VEPH1: variants seen among roughly 807,000 people sequenced by gnomAD.
The protein encoded by VEPH1 is ventricular zone expressed PH domain containing 1, also known as ventricular zone-expressed PH domain-containing protein homolog 1.
A neutral mutation model predicts 85.2 loss-of-function variants in VEPH1; 80 were observed. That is an observed-to-expected ratio of 0.94 (90% CI 0.78 to 1.13). The LOEUF is 1.13. Ranked by LOEUF, VEPH1 falls within the 50% of genes most tolerant of loss-of-function variation. The pLI, the probability that VEPH1 is intolerant of heterozygous loss-of-function variation, is 0.00. For synonymous variants in VEPH1, 297 were observed against 348.0 expected (o/e 0.85, Z 1.63); for missense variants, 955 against 980.5 (o/e 0.97, Z 0.35).
At chr3:157,316,580 A>C (rs1190418162) in intron 10 of VEPH1, among the ~76,000 whole-genome samples, 2 of 151,356 alleles carry the variant, frequency 1.3e-5, no homozygotes, top group Non-Finnish European at 2.9e-5. Context: ...CTATGCATCA[A>C]ATTCTTCATT....
intron 7 of VEPH1, among the ~76,000 whole-genome samples, chr3:157,377,180 A>G (rs904751348): frequency 1.3e-5 from 2 of 152,172 alleles, no homozygotes; most frequent in Non-Finnish European, 2.9e-5. Context: ...TTGAACTGAG[A>G]GAAGTATTTT....
chr3:157,369,059 G>A (rs1226146078), intron 7 of VEPH1, among the ~76,000 whole-genome samples: 3 of 151,290 alleles, frequency 2.0e-5, no homozygotes, highest in East Asian at 1.9e-4. Context: ...TGTAGAATAA[G>A]TGAACTGAGA....
chr3:157,432,186 T>C (rs1036585260), intron 4 of VEPH1, among the ~76,000 whole-genome samples: 1 of 152,150 alleles, frequency 6.6e-6, no homozygotes, highest in South Asian at 2.1e-4. Flanking sequence ...CACTTGTGAT[T>C]TGGCCATTCA....
At chr3:157,337,536 A>T (rs886134556) in intron 9 of VEPH1, among the ~76,000 whole-genome samples, 1 of 152,262 alleles carries the variant, frequency 6.6e-6, no homozygotes, top group Non-Finnish European at 1.5e-5. Context: ...ACAGAAAAAA[A>T]TTCTGGAAGG....
intron 4 of VEPH1, chr3:157,437,934 C>G: frequency 6.5e-7 from 1 of 1,527,162 alleles, no homozygotes; most frequent in South Asian, 1.2e-5. Flanking sequence ...CAAGCGGGGC[C>G]GGGACCTCCC....
rs75958190 is a variant in VEPH1, at chr3:157,483,366, A to G, written c.138+11846T>C. ...ATAAAATCTTACTTATGCTGAACTT[A>G]AAAATTTAATATTACAAAACACCCA... On this transcript the variant is annotated intron_variant, in intron 2 of 13. Coordinates refer to ENST00000362010, the MANE Select transcript of VEPH1 (RefSeq NM_001167912.2). Among the ~76,000 whole-genome samples the G allele has an allele frequency of 4.5e-4, 69 of 152,286 alleles. 1 individual carries two copies. Among genetic ancestry groups the G allele is most frequent in the African/African-American group, 1.3e-3 (56 of 41,566 alleles).
chr3:157,398,354 G>A (rs907413170), intron 6 of VEPH1, among the ~76,000 whole-genome samples: 9 of 152,156 alleles, frequency 5.9e-5, no homozygotes, highest in African/African-American at 1.9e-4. Flanking sequence ...AGGAGTTGTC[G>A]ACCAGGAGCG....
intron 1 of VEPH1, among the ~76,000 whole-genome samples, chr3:157,499,848 G>A (rs937405504): frequency 1.3e-5 from 2 of 152,130 alleles, no homozygotes; most frequent in African/African-American, 4.8e-5. Flanking sequence ...ACCTCTCAGA[G>A]CTCCAGGGGA....
rs557256844 is a variant in VEPH1 at position 157,478,903 on chromosome 3, A to T, written c.139-8374T>A. 1.1e-4 allele frequency among the ~76,000 whole-genome samples: 16 copies of T among 152,278 alleles called. No individual in the cohort carries two copies. The South Asian group carries it at 3.3e-3, about 32-fold the overall frequency. ...ACTACAAAGAGATTTTTCAACTTCA[A>T]AAATTTTATATCTTCAAATTCTGTA... On this transcript the variant is annotated intron_variant, in intron 2 of 13. Transcript: ENST00000362010.
chr3:157,309,911 T>C (rs369928288), intron 11 of VEPH1, among the ~76,000 whole-genome samples: 1 of 151,966 alleles, frequency 6.6e-6, no homozygotes. Flanking sequence ...TCCCGAGTAG[T>C]TGGGATTACA....
chr3:157,449,092 T>C (rs1411216317), intron 4 of VEPH1, among the ~76,000 whole-genome samples: 2 of 152,220 alleles, frequency 1.3e-5, no homozygotes, highest in Non-Finnish European at 2.9e-5. Context: ...AATAAACATC[T>C]TTCTTTTGGA....
intron 6 of VEPH1, among the ~76,000 whole-genome samples, chr3:157,384,618 G>A (rs1404625567): frequency 6.6e-6 from 1 of 152,136 alleles, no homozygotes; most frequent in Non-Finnish European, 1.5e-5. Flanking sequence ...AATGATCGCT[G>A]GCAGCCAACT....
At position 157,469,514 on chromosome 3, in the gene VEPH1, TA is replaced by T. The variant is rs147960438; in HGVS notation, c.354+799del. ...GAAATCAGACTGGAAAATGCTGGCC[TA>T]AACAAGGTTAACCAGCTTTCTTTAT... On this transcript the variant is annotated intron_variant, in intron 3 of 13. Coordinates refer to ENST00000362010, the MANE Select transcript of VEPH1 (RefSeq NM_001167912.2). 9.1e-3 allele frequency among the ~76,000 whole-genome samples: 1,390 copies of T among 152,274 alleles called. 19 individuals carry two copies. The highest frequency in any genetic ancestry group is 0.031 in the African/African-American group (1,308 of 41,558).
chr3:157,265,719 T>A, intron 12 of VEPH1, 57 bp from the exon 13 acceptor site: 1 of 1,587,434 alleles, frequency 6.3e-7, no homozygotes, highest in Non-Finnish European at 8.6e-7. Context: ...ACTAGGTAGG[T>A]GATCAAAAGT....
chr3:157,332,133 AT>A (rs1336184184), intron 9 of VEPH1, among the ~76,000 whole-genome samples: 3 of 152,170 alleles, frequency 2.0e-5, no homozygotes, highest in African/African-American at 7.2e-5. Flanking sequence ...AATTACACTA[AT>A]TGTATGTGTT....
At chr3:157,495,103 G>T in intron 2 of VEPH1, 109 bp downstream of exon 2, 1 of 1,106,500 alleles carries the variant, frequency 9.0e-7, no homozygotes, top group Non-Finnish European at 1.3e-6. Flanking sequence ...ACCAATATTA[G>T]TGGTATTTCC....
At chr3:157,471,366 A>G (rs762538449) in intron 2 of VEPH1, among the ~76,000 whole-genome samples, 2 of 152,208 alleles carry the variant, frequency 1.3e-5, no homozygotes, top group Non-Finnish European at 2.9e-5. Flanking sequence ...ATTGCAAATT[A>G]TTTATATACT....
At chr3:157,469,521 G>A (rs1468774204) in intron 3 of VEPH1, among the ~76,000 whole-genome samples, 2 of 152,110 alleles carry the variant, frequency 1.3e-5, no homozygotes, top group African/African-American at 4.8e-5. Flanking sequence ...GCCTAAACAA[G>A]GTTAACCAGC....
chr3:157,302,280 C>G (rs2108461924), intron 11 of VEPH1, among the ~76,000 whole-genome samples: 1 of 152,274 alleles, frequency 6.6e-6, no homozygotes, highest in Middle Eastern at 3.4e-3. Context: ...TTACTTTTGT[C>G]CCTTTCCAAT....
Sources: gnomAD v4.1 joint callset for allele counts (sites outside exome capture counted in the v4.1 genomes callset) on GRCh38, gnomAD v4.1.1 for gene constraint, MANE v1.5 for transcripts, NCBI Gene and HGNC (gene_info 2026-07-23, HGNC 2026-07-21) for gene names.